Variants in ICAM3 observed in about 807,000 individuals in gnomAD.
The protein encoded by ICAM3 is intercellular adhesion molecule 3.
Under a neutral mutation model 43.6 loss-of-function variants are expected in ICAM3, and 54 were observed. The ratio of observed to expected loss-of-function variants is 1.24; its 90% CI spans 0.99 to 1.55. The LOEUF (loss-of-function observed/expected upper bound fraction) is 1.55, where lower values mean the gene tolerates loss of function less well. ICAM3 is among the 40% of genes most tolerant of loss of function. ICAM3 has a pLI of 0.00. For synonymous variants in ICAM3, 306 were observed against 312.6 expected (o/e 0.98, Z 0.22); for missense variants, 715 against 717.9 (o/e 1.00, Z 0.05).
In ICAM3 at chr19:10,335,855, AAGC is replaced by A. The variant is rs781308865; in HGVS notation, c.462_464del (p.Leu155del). ...GCCGGCTCAGCTCCTCCTCCCAGCG[AAGC>A]AGCACCACCGTGAGGCTGGTCCGGG... is the stretch of plus-strand genomic sequence containing the variant. On this transcript the variant is annotated inframe_deletion, in exon 3 of 7. Transcript: ENST00000160262. 6.2e-7 allele frequency: 1 copy of A among 1,610,536 alleles called. No individual in the cohort carries two copies. Among genetic ancestry groups the A allele is most frequent in the Non-Finnish European group, 8.5e-7 (1 of 1,179,578 alleles).
At position 10,334,055 on chromosome 19, in the gene ICAM3, C is replaced by T. The variant is rs1038257198; in HGVS notation, c.1446G>A (p.Gly482=). The part of the protein sequence containing the change: ...TLVVVMDIEA[G]SSHFVPVFVA... The stretch of plus-strand genomic sequence containing the variant: ...CGAAGACGGGGACAAAGTGGGAGCT[C>T]CCAGCTGTGCAGAGAAAGCGCTAAG... Residue 482 remains glycine (G), a synonymous_variant, in exon 7 of 7, where the codon GGG becomes GGA. Transcript: ENST00000160262. The surrounding 1 kb of genome is among the most constrained non-coding windows in gnomAD (Gnocchi z 5.5). The T allele has an allele frequency of 1.2e-6, 2 of 1,614,008 alleles. No individual in the cohort carries two copies. Among genetic ancestry groups the T allele is most frequent in the Non-Finnish European group, 1.7e-6 (2 of 1,179,988 alleles).
chr19:10,339,568 G>A lies in ICAM3; in HGVS notation c.47C>T (p.Thr16Ile). The change falls in exon 1 of 7, where the codon ACT (threonine) becomes ATT (isoleucine). Residue 16 changes from threonine (T) to isoleucine (I), a missense_variant. Thr to Ile is a moderately conservative substitution (Grantham distance 89, BLOSUM62 -1). Coordinates refer to ENST00000160262, the MANE Select transcript of ICAM3 (RefSeq NM_002162.5). ...GGTCAGCAGACAGCAGACCAGCAGA[G>A]TCCAGCAGGCCCTGGGCCACAACAC... ...PSVLWPRACWTLLVCCLLTPG... is the reference protein window; with the variant it reads ...PSVLWPRACWILLVCCLLTPG... 6.2e-7 allele frequency: 1 copy of A among 1,614,084 alleles called. No individual in the cohort carries two copies. Among genetic ancestry groups the A allele is most frequent in the Admixed American group, 1.7e-5 (1 of 60,020 alleles).
In ICAM3 at chr19:10,338,098, CAA is replaced by C. The variant is rs59309783; in HGVS notation, c.343+582_343+583del. ...GGCTACAGAGTAAGAGACGCCATCT[CAA>C]AAAAAAAAAAAAGCTTGTTGGGGCC... On this transcript the variant is annotated intron_variant, in intron 2 of 6. Transcript: ENST00000160262. 2.0e-4 allele frequency among the ~76,000 whole-genome samples: 26 copies of C among 132,332 alleles called. No individual in the cohort carries two copies. The East Asian group carries it at 4.5e-3, about 23-fold the overall frequency. 86.8% of individuals were successfully genotyped at this position (132,332 alleles called of 152,430 possible).
chr19:10,338,498 C>G (rs2040621226), intron 2 of ICAM3, among the ~76,000 whole-genome samples, 184 bp downstream of exon 2: 1 of 151,988 alleles, frequency 6.6e-6, no homozygotes, highest in African/African-American at 2.4e-5. Context: ...ATATCTCTGT[C>G]TCTGTCTCTG....
Position 10,334,985 on chromosome 19 carries a change from C to T in ICAM3, c.937+81G>A, listed in dbSNP as rs929207128. The T allele has an allele frequency of 2.6e-6, 4 of 1,540,724 alleles. No individual in the cohort carries two copies. The highest frequency in any genetic ancestry group is 3.5e-6 in the Non-Finnish European group (4 of 1,138,370). Reference sequence around the variant, plus strand: ...ACTGCTATTGGGGCAAGCCAGGCCCCACCTTTTCGGCTAGTCTCCGCCCCC... The same window carrying T: ...ACTGCTATTGGGGCAAGCCAGGCCCTACCTTTTCGGCTAGTCTCCGCCCCC... On this transcript the variant is annotated intron_variant, in intron 4 of 6. Coordinates refer to ENST00000160262, the MANE Select transcript of ICAM3 (RefSeq NM_002162.5). The surrounding 1 kb of genome is among the most constrained non-coding windows in gnomAD (Gnocchi z 5.5).
At chr19:10,337,106 G>A (rs968490688) in intron 2 of ICAM3, among the ~76,000 whole-genome samples, 4 of 150,430 alleles carry the variant, frequency 2.7e-5, no homozygotes, top group Non-Finnish European at 5.9e-5. Context: ...GCAAGACTGC[G>A]TCTCAAAGAA....
At chr19:10,335,573 G>C in intron 3 of ICAM3, 98 bp downstream of exon 3, 1 of 1,293,704 alleles carries the variant, frequency 7.7e-7, no homozygotes, top group Non-Finnish European at 1.1e-6. Context: ...CCAGAAGCCT[G>C]TGAGGTCCGG....
In ICAM3 at chr19:10,335,830, G is replaced by A. The variant is rs369522828; in HGVS notation, c.490C>T (p.Gln164Ter). 2.5e-6 allele frequency: 4 copies of A among 1,611,980 alleles called. No individual in the cohort carries two copies. In the African/African-American group the frequency reaches 4.0e-5, roughly 16 times the overall value. ...LLRWEEELSR[Q>*]PAVEEPAEVT... ...TCCGCTGGCTCCTCCACTGCGGGCT[G>A]CCGGCTCAGCTCCTCCTCCCAGCGA... Residue 164 changes from glutamine (Q) to a stop codon, truncating the protein, a stop_gained, in exon 3 of 7, where the codon CAG (glutamine) becomes TAG (stop). Transcript: ENST00000160262. LOFTEE classifies it high-confidence loss of function.
In ICAM3 at chr19:10,334,876, C is replaced by G; in HGVS notation, c.938-94G>C. ...CCCTCCCCTTTCCTCTCGGGATATCCGGGCCACGCTTTCGGCCGTTCAAGC... is the reference window on the plus strand; with the variant it reads ...CCCTCCCCTTTCCTCTCGGGATATCGGGGCCACGCTTTCGGCCGTTCAAGC... On this transcript the variant is annotated intron_variant, in intron 4 of 6. Transcript: ENST00000160262. The surrounding 1 kb of genome is among the most constrained non-coding windows in gnomAD (Gnocchi z 5.5). 1 of 1,483,142 alleles carries G rather than the reference C, an allele frequency of 6.7e-7. No homozygotes were observed. The allele number at this position is 1,483,142 out of a possible 1,614,324, so 91.9% of individuals were successfully genotyped here.
In ICAM3 at chr19:10,335,151, C is replaced by T. The variant is rs138981703; in HGVS notation, c.852G>A (p.Ala284=). 83 of 1,613,668 alleles carry T rather than the reference C, an allele frequency of 5.1e-5. No homozygotes were observed. Among genetic ancestry groups the T allele is most frequent in the Non-Finnish European group, 6.8e-5 (80 of 1,180,014 alleles). The change falls in exon 4 of 7, where the codon GCG becomes GCA. Residue 284 remains alanine, a synonymous_variant. Coordinates refer to ENST00000160262, the MANE Select transcript of ICAM3 (RefSeq NM_002162.5). The stretch of plus-strand genomic sequence containing the variant: ...CGATCTCCCGGGCACCCTCCTGATC[C>T]GCGCGCGCCGTGGCTGTGGCTGTGG... ...LTATATATAR[A]DQEGAREIVC...
In ICAM3 at chr19:10,334,518, A is replaced by C. The variant is rs1207775823; in HGVS notation, c.1192+10T>G. 1 of 1,603,374 alleles carries C rather than the reference A, an allele frequency of 6.2e-7. No individual in the cohort carries two copies. The highest frequency in any genetic ancestry group is 1.1e-5 in the South Asian group (1 of 89,900). On this transcript the variant is annotated intron_variant, in intron 5 of 6. Transcript: ENST00000160262. This position sits in a 1 kb window ranked among gnomAD's most constrained non-coding sequence, Gnocchi z 5.5. ...GGTGGAGGGATTAAAGGTCAGGGTG[A>C]CCGACTCACACAGGACTCGCAGCTG...
chr19:10,338,490 ATCTCTG>A (rs968203943), intron 2 of ICAM3, among the ~76,000 whole-genome samples, 186 bp downstream of exon 2: 1 of 151,590 alleles, frequency 6.6e-6, no homozygotes, highest in South Asian at 2.1e-4. Context: ...GCGTCTCTAT[ATCTCTG>A]TCTCTGTCTC....
intron 2 of ICAM3, among the ~76,000 whole-genome samples, chr19:10,337,457 C>CCAGGTACAGTGGCT (rs111906193): frequency 0.84 from 122,775 of 146,572 alleles, 51,676 homozygotes; most frequent in African/African-American, 0.89. Flanking sequence ...AAAAAAGTAG[C>CCAGGTACAGTGGCT]CAGGCCTGCA....
At position 10,338,864 on chromosome 19, in the gene ICAM3, C is replaced by T; in HGVS notation, c.161G>A (p.Ser54Asn). Residue 54 changes from serine (S) to asparagine (N), a missense_variant, in exon 2 of 7, where the codon AGT becomes AAT. Physicochemically the swap from Ser to Asn is conservative, Grantham distance 46. Coordinates refer to ENST00000160262, the MANE Select transcript of ICAM3 (RefSeq NM_002162.5). ...SAGGSLFVNC[S>N]TDCPSSEKIA... ...TTTCTCAGAGCTGGGACAATCAGTA[C>T]TGCAGTTCACAAACAGGGACCCTCC... 1 of 1,614,152 alleles carries T rather than the reference C, an allele frequency of 6.2e-7. No individual in the cohort carries two copies.
intron 1 of ICAM3, 34 bp from the exon 2 acceptor site, chr19:10,338,982 T>G: frequency 6.2e-7 from 1 of 1,606,264 alleles, no homozygotes; most frequent in Non-Finnish European, 8.5e-7. Context: ...GGTGTTTGTT[T>G]CCTTGTCCCC....
Position 10,334,115 on chromosome 19 carries a change from C to CGTA in ICAM3, c.1441+44_1441+45insTAC. ...GTCCCTTCTGTCTCCAACCCCCCCG[C>CGTA]CCCCCGGCTTACCGGTCCAGACCCG... On this transcript the variant is annotated intron_variant, in intron 6 of 6. Coordinates refer to ENST00000160262, the MANE Select transcript of ICAM3 (RefSeq NM_002162.5). This position sits in a 1 kb window ranked among gnomAD's most constrained non-coding sequence, Gnocchi z 5.5. The CGTA allele has an allele frequency of 6.2e-7, 1 of 1,603,116 alleles. No individual in the cohort carries two copies. The highest frequency in any genetic ancestry group is 8.5e-7 in the Non-Finnish European group (1 of 1,170,928).
chr19:10,338,542 C>G (rs1429718981), intron 2 of ICAM3, 140 bp downstream of exon 2: 1 of 698,276 alleles, frequency 1.4e-6, no homozygotes, highest in Non-Finnish European at 2.4e-6. Context: ...GTATCTCACA[C>G]ACAAATGTCC....
Position 10,334,463 on chromosome 19 carries a change from C to CAG in ICAM3, c.1193-57_1193-56dup. Reference sequence around the variant, plus strand: ...CCAACACACCCGAGGCACAGTGGTGCAGAGGAGCGTCTAATCTTTCCAGGG... The same window carrying CAG: ...CCAACACACCCGAGGCACAGTGGTGCAGAGAGGAGCGTCTAATCTTTCCAGGG... On this transcript the variant is annotated intron_variant, in intron 5 of 6. Coordinates refer to ENST00000160262, the MANE Select transcript of ICAM3 (RefSeq NM_002162.5). The surrounding 1 kb of genome is among the most constrained non-coding windows in gnomAD (Gnocchi z 5.5). 1.9e-6 allele frequency: 3 copies of CAG among 1,608,354 alleles called. No individual in the cohort carries two copies. Among genetic ancestry groups the CAG allele is most frequent in the Non-Finnish European group, 2.6e-6 (3 of 1,176,120 alleles).
chr19:10,335,673 A>C lies in ICAM3; in HGVS notation c.647T>G (p.Phe216Cys). Residue 216 changes from phenylalanine (F) to cysteine (C), a missense_variant and splice_region_variant, in exon 3 of 7, where the codon TTT becomes TGT. Phe to Cys is a radical substitution (Grantham distance 205, BLOSUM62 -2). Coordinates refer to ENST00000160262, the MANE Select transcript of ICAM3 (RefSeq NM_002162.5). ...CCGTCTGAAGCCCCTTCTCTCACCA[A>C]AGGTTCGGAGCTGGCGGGGGGCTGA... The part of the protein sequence containing the change: ...NTSAPRQLRT[F>C]VLPVTPPRLV... 1 of 1,601,266 alleles carries C rather than the reference A, an allele frequency of 6.2e-7. No individual in the cohort carries two copies.
Sources: gnomAD v4.1 joint callset for allele counts (sites outside exome capture counted in the v4.1 genomes callset) on GRCh38, gnomAD v4.1.1 for gene constraint, Gnocchi (gnomAD v3.1) non-coding constraint, MANE v1.5 for transcripts, NCBI Gene and HGNC (gene_info 2026-07-23, HGNC 2026-07-21) for gene names.